Variants in PRELID2 observed in about 807,000 individuals in gnomAD.
The protein encoded by PRELID2 is PRELI domain-containing protein 2.
In PRELID2, 25 loss-of-function variants were observed where a neutral mutation model predicts 28.4. The observed-to-expected ratio is 0.88, with a 90% CI of 0.64 to 1.23. The LOEUF (loss-of-function observed/expected upper bound fraction) is 1.23. Ranked by LOEUF, PRELID2 falls within the 50% of genes most tolerant of loss-of-function variation. PRELID2 has a pLI of 0.00. For synonymous variants in PRELID2, 76 were observed against 71.6 expected (o/e 1.06, Z -0.31); for missense variants, 201 against 214.4 (o/e 0.94, Z 0.39).
At chr5:145,602,653 G>A (rs1450084135) in intron 1 of PRELID2, among the ~76,000 whole-genome samples, 2 of 151,382 alleles carry the variant, frequency 1.3e-5, no homozygotes, top group African/African-American at 2.4e-5. Context: ...AAAAATAAAT[G>A]GAAATAAATT....
At chr5:145,237,797 T>C in the PRELID2 span, among the ~76,000 whole-genome samples, 6 of 152,104 alleles carry the variant, frequency 3.9e-5, no homozygotes, top group South Asian at 6.2e-4. Context: ...TTATTTTTTC[T>C]CCTTGGATGA....
intron 1 of PRELID2, among the ~76,000 whole-genome samples, chr5:145,582,493 A>T (rs1029982528): frequency 6.6e-6 from 1 of 151,998 alleles, no homozygotes. Flanking sequence ...CCCTCCCCCA[A>T]CACATGGGGA....
chr5:145,294,542 A>T, the PRELID2 span, among the ~76,000 whole-genome samples: 1 of 152,324 alleles, frequency 6.6e-6, no homozygotes, highest in South Asian at 2.1e-4. Context: ...TCACTTTGAC[A>T]ATTTCACAAC....
At chr5:145,791,361 G>C (rs542051445) in intron 5 of PRELID2, among the ~76,000 whole-genome samples, 1 of 152,234 alleles carries the variant, frequency 6.6e-6, no homozygotes, top group East Asian at 1.9e-4. Flanking sequence ...CAAACAAAAT[G>C]TGATATATAC....
chr5:145,296,505 T>C, the PRELID2 span, among the ~76,000 whole-genome samples: 1 of 152,124 alleles, frequency 6.6e-6, no homozygotes, highest in African/African-American at 2.4e-5. Context: ...TCCATGTCCA[T>C]ACAAAGGACA....
chr5:145,679,622 T>C (rs758559640), intron 1 of PRELID2, among the ~76,000 whole-genome samples: 7 of 152,178 alleles, frequency 4.6e-5, no homozygotes, highest in Non-Finnish European at 7.4e-5. Context: ...CAGTAAATAC[T>C]TCTTAAATAA....
At chr5:145,721,663 CT>C (rs1755993700) in intron 1 of PRELID2, among the ~76,000 whole-genome samples, 1 of 152,014 alleles carries the variant, frequency 6.6e-6, no homozygotes, top group Non-Finnish European at 1.5e-5. Flanking sequence ...AAAAATATTT[CT>C]GAATTAACTC....
At chr5:145,727,779 A>T (rs547384470) in intron 1 of PRELID2, among the ~76,000 whole-genome samples, 1 of 152,350 alleles carries the variant, frequency 6.6e-6, no homozygotes, top group East Asian at 1.9e-4. Context: ...AGACACAGGG[A>T]TCCAAACTCC....
At chr5:145,452,227 C>G in the PRELID2 span, among the ~76,000 whole-genome samples, 1 of 152,166 alleles carries the variant, frequency 6.6e-6, no homozygotes, top group Non-Finnish European at 1.5e-5. Flanking sequence ...CTGTTGAAAT[C>G]CCTCAATGAC....
intron 1 of PRELID2, among the ~76,000 whole-genome samples, chr5:145,597,599 T>G (rs1753328194): frequency 4.6e-5 from 7 of 152,184 alleles, no homozygotes; most frequent in Admixed American, 3.3e-4. Context: ...ACTTATGGCA[T>G]GCATCCTGCC....
intron 1 of PRELID2, among the ~76,000 whole-genome samples, chr5:145,827,413 G>C (rs1341740385): frequency 6.6e-6 from 1 of 152,146 alleles, no homozygotes; most frequent in Non-Finnish European, 1.5e-5. Context: ...CTGTTCATTG[G>C]TCTTTCAATA....
chr5:145,695,677 T>C (rs996619144), intron 1 of PRELID2, among the ~76,000 whole-genome samples: 4 of 152,234 alleles, frequency 2.6e-5, no homozygotes, highest in Middle Eastern at 3.4e-3. Flanking sequence ...AAATGGCTCG[T>C]TTACACAGCT....
the PRELID2 span, among the ~76,000 whole-genome samples, chr5:145,409,401 A>T: frequency 6.6e-6 from 1 of 152,200 alleles, no homozygotes; most frequent in African/African-American, 2.4e-5. Context: ...AAATGGCCTA[A>T]CTGCTCCACT....
chr5:145,567,343 A>ATGGTT (rs70998025), intron 1 of PRELID2, among the ~76,000 whole-genome samples: 43,152 of 145,954 alleles, frequency 0.3, 7,074 homozygotes, highest in South Asian at 0.38. Flanking sequence ...ATGAGATCTG[A>ATGGTT]TGGTTTGGTT....
chr5:145,749,375 A>C lies in PRELID2; in HGVS notation n.70+15556T>G, dbSNP rs372254101. The stretch of plus-strand genomic sequence containing the variant: ...AAACACAGAAAAAAAGCTCATCATC[A>C]CTGATTATTAGAGAAATGCAAATCA... On this transcript the variant is annotated intron_variant and non_coding_transcript_variant, in intron 1 of 2. Coordinates refer to the PRELID2 transcript ENST00000510259. Among the ~76,000 whole-genome samples the C allele has an allele frequency of 3.2e-3, 481 of 152,362 alleles. 1 individual carries two copies. Among genetic ancestry groups the C allele is most frequent in the African/African-American group, 0.011 (444 of 41,590 alleles).
At chr5:145,503,063 G>A (rs1486454568) in intron 1 of PRELID2, among the ~76,000 whole-genome samples, 1 of 152,092 alleles carries the variant, frequency 6.6e-6, no homozygotes, top group Non-Finnish European at 1.5e-5. Context: ...GGAGTGGATG[G>A]CTGGGAGAGT....
At chr5:145,306,207 G>T in the PRELID2 span, among the ~76,000 whole-genome samples, 1 of 152,166 alleles carries the variant, frequency 6.6e-6, no homozygotes, top group South Asian at 2.1e-4. Flanking sequence ...ACAGTATTAA[G>T]CAATAAATAT....
intron 1 of PRELID2, among the ~76,000 whole-genome samples, chr5:145,492,905 T>G (rs937726041): frequency 7.1e-6 from 1 of 140,460 alleles, no homozygotes; most frequent in African/African-American, 2.5e-5. Context: ...TGGTCTGTAG[T>G]TTGGACTGTG....
chr5:145,563,036 G>A (rs1052939574), intron 1 of PRELID2, among the ~76,000 whole-genome samples: 1 of 152,144 alleles, frequency 6.6e-6, no homozygotes, highest in Admixed American at 6.5e-5. Context: ...TTTCATGTGG[G>A]AAATCACACC....
Sources: allele counts gnomAD v4.1 joint callset (sites outside exome capture counted in the v4.1 genomes callset), GRCh38; gene constraint gnomAD v4.1.1; transcripts MANE v1.5; gene names NCBI Gene and HGNC (gene_info 2026-07-23, HGNC 2026-07-21).